The following TIMM23B variants were observed in gnomAD, a reference collection of about 807,000 sequenced individuals.
TIMM23B encodes the protein translocase of inner mitochondrial membrane 23 homolog B.
Under a neutral mutation model 27.3 loss-of-function variants are expected in TIMM23B, and 27 were observed. The observed-to-expected ratio is 0.99, with a 90% CI of 0.73 to 1.36. The LOEUF (loss-of-function observed/expected upper bound fraction) is 1.36. Ranked by LOEUF, TIMM23B falls within the 40% of genes most tolerant of loss-of-function variation. The pLI is 0.00. For missense variants in TIMM23B, 205 were observed against 244.2 expected, an observed-to-expected ratio of 0.84 and a Z score of 1.07; for synonymous variants, 73 against 92.4, an observed-to-expected ratio of 0.79 and a Z score of 1.21.
intron 5 of TIMM23B, among the ~76,000 whole-genome samples, chr10:49,956,463 G>A (rs1388665849): frequency 1.1e-4 from 14 of 123,976 alleles, no homozygotes; most frequent in African/African-American, 3.7e-4. Context: ...GTGTGTGTGT[G>A]TGTGTGTATG....
chr10:49,966,169 T>G (rs1253635337), intron 6 of TIMM23B, among the ~76,000 whole-genome samples: 1 of 131,358 alleles, frequency 7.6e-6, no homozygotes, highest in Non-Finnish European at 1.6e-5. Flanking sequence ...CGCGGTAGAG[T>G]GAGTCTTCAT....
intron 6 of TIMM23B, among the ~76,000 whole-genome samples, chr10:49,965,474 T>C (rs1344419903): frequency 1.4e-5 from 2 of 139,948 alleles, no homozygotes; most frequent in African/African-American, 2.5e-5. Context: ...GGTGTGGTGG[T>C]GCACTCCAGA....
At chr10:49,951,736 CA>C (rs1839535787) in intron 2 of TIMM23B, among the ~76,000 whole-genome samples, 1 of 152,150 alleles carries the variant, frequency 6.6e-6, no homozygotes, top group South Asian at 2.1e-4. Context: ...TGGCTTTATA[CA>C]TAGAAAAATG....
intron 4 of TIMM23B, among the ~76,000 whole-genome samples, chr10:49,953,174 A>G (rs1839596070): frequency 1.3e-5 from 2 of 152,020 alleles, no homozygotes; most frequent in African/African-American, 4.8e-5. Context: ...CAATATGTTT[A>G]GTTTTGCCCA....
At chr10:49,965,487 G>C (rs1177195823) in intron 6 of TIMM23B, among the ~76,000 whole-genome samples, 1 of 149,266 alleles carries the variant, frequency 6.7e-6, no homozygotes, top group Non-Finnish European at 1.5e-5. Context: ...ACTCCAGACT[G>C]GGCGATAGAG....
At chr10:49,950,547 T>C (rs1373235355) in intron 2 of TIMM23B, among the ~76,000 whole-genome samples, 2 of 140,296 alleles carry the variant, frequency 1.4e-5, no homozygotes, top group East Asian at 2.0e-4. Flanking sequence ...TTTTCTTTTC[T>C]TTTTTTTTTT....
At chr10:49,963,822 G>A (rs2805323) in intron 6 of TIMM23B, among the ~76,000 whole-genome samples, 17 of 151,352 alleles carry the variant, frequency 1.1e-4, no homozygotes, top group East Asian at 7.8e-4. Context: ...AAAACTAGCC[G>A]GGCATGATAG....
chr10:49,961,648 A>G (rs1210299001), intron 6 of TIMM23B, among the ~76,000 whole-genome samples: 2 of 151,760 alleles, frequency 1.3e-5, no homozygotes, highest in South Asian at 2.1e-4. Context: ...CACCCAGGCT[A>G]AAGTGCAGTG....
At chr10:49,971,780 T>C (rs1459344683) in intron 6 of TIMM23B, among the ~76,000 whole-genome samples, 2 of 152,268 alleles carry the variant, frequency 1.3e-5, no homozygotes, top group African/African-American at 4.8e-5. Flanking sequence ...AACCTCAGTT[T>C]ACCTTCCCTA....
chr10:49,950,549 T>G (rs1192215559), intron 2 of TIMM23B, among the ~76,000 whole-genome samples: 1 of 148,864 alleles, frequency 6.7e-6, no homozygotes, highest in East Asian at 1.9e-4. Context: ...TTCTTTTCTT[T>G]TTTTTTTTTT....
chr10:49,952,337 C>G lies in TIMM23B; in HGVS notation c.260-112C>G, dbSNP rs1839558571. ...TTTTTTTTTTAATATTTACATTTGT[C>G]TTTTTCTATTAAATAAAAATGAAAA... On this transcript the variant is annotated intron_variant, in intron 3 of 6. Coordinates refer to ENST00000651259, the MANE Select transcript of TIMM23B (RefSeq NM_001290117.2). 106 of 1,456,864 alleles carry G rather than the reference C, an allele frequency of 7.3e-5. 1 individual carries two copies. 90.2% of individuals were successfully genotyped at this position (1,456,864 alleles called of 1,614,324 possible).
At chr10:49,968,413 A>G (rs1282634620) in intron 6 of TIMM23B, among the ~76,000 whole-genome samples, 1 of 152,282 alleles carries the variant, frequency 6.6e-6, no homozygotes, top group Non-Finnish European at 1.5e-5. Context: ...TTTGTGGTGG[A>G]TGAATTACTG....
intron 6 of TIMM23B, chr10:49,972,801 C>G: frequency 3.4e-6 from 2 of 583,600 alleles, no homozygotes; most frequent in Non-Finnish European, 6.0e-6. Context: ...AGCAAGAGTT[C>G]TTTTTCATTT....
chr10:49,942,861 A>C (rs1424686821), intron 1 of TIMM23B, among the ~76,000 whole-genome samples: 5 of 152,210 alleles, frequency 3.3e-5, no homozygotes, highest in Non-Finnish European at 7.4e-5. Flanking sequence ...ATTATAGGAA[A>C]GGAAATAGGC....
At chr10:49,970,053 C>T (rs537379721) in intron 6 of TIMM23B, 123 of 160,926 alleles carry the variant, frequency 7.6e-4, no homozygotes, top group East Asian at 1.9e-4. Context: ...CTCGGCCTCC[C>T]GAGGTGCCGG....
chr10:49,966,125 T>C (rs1554855415), intron 6 of TIMM23B, among the ~76,000 whole-genome samples: 4 of 148,154 alleles, frequency 2.7e-5, no homozygotes, highest in African/African-American at 1.0e-4. Flanking sequence ...AAATGAATAA[T>C]GAAATGCTGG....
At chr10:49,968,589 CT>C (rs1419697232) in intron 6 of TIMM23B, among the ~76,000 whole-genome samples, 3 of 152,236 alleles carry the variant, frequency 2.0e-5, no homozygotes, top group African/African-American at 7.2e-5. Flanking sequence ...AATCCCAGCA[CT>C]TTGGGAGTCC....
Position 49,958,371 on chromosome 10 carries a change from G to C in TIMM23B, c.405G>C (p.Ala135=). The C allele has an allele frequency of 1.2e-6, 2 of 1,613,798 alleles. No individual in the cohort carries two copies. Among genetic ancestry groups the C allele is most frequent in the Non-Finnish European group, 1.7e-6 (2 of 1,179,776 alleles). Residue 135 remains alanine, a splice_region_variant and synonymous_variant, in exon 6 of 7, where the codon GCG becomes GCC. Coordinates refer to ENST00000651259, the MANE Select transcript of TIMM23B (RefSeq NM_001290117.2). ...TGAGCACTTCCATTTCCTCTTTAGC[G>C]TTGCTCTATAGTGCATTTGGTGTCA... is the stretch of plus-strand genomic sequence containing the variant. ...ALWANTLGSL[A]LLYSAFGVII... is the part of the protein sequence containing the mutation.
rs1265136091 is a variant in TIMM23B at position 49,946,323 on chromosome 10, A to G, written c.165+1233A>G. On this transcript the variant is annotated intron_variant, in intron 2 of 6. Transcript: ENST00000651259. ...CCCTAAGATCAGGAACAAAATAAGT[A>G]TATTTACTCTCATTTATATTCAGCA... Among the ~76,000 whole-genome samples the G allele has an allele frequency of 3.3e-5, 5 of 152,190 alleles. No individual in the cohort carries two copies. The East Asian group carries it at 7.7e-4, about 24-fold the overall frequency.
Sources: gnomAD v4.1 joint callset for allele counts (sites outside exome capture counted in the v4.1 genomes callset) on GRCh38, gnomAD v4.1.1 for gene constraint, MANE v1.5 for transcripts, NCBI Gene and HGNC (gene_info 2026-07-23, HGNC 2026-07-21) for gene names.